The following PHTF2 variants were observed in gnomAD, a reference collection of about 807,000 sequenced individuals.
PHTF2 encodes the protein putative homeodomain transcription factor 2.
A neutral mutation model predicts 101.2 loss-of-function variants in PHTF2; 60 were observed. The ratio of observed to expected loss-of-function variants is 0.59; its 90% CI spans 0.48 to 0.73. The LOEUF is 0.73. Ranked by LOEUF, PHTF2 falls within the 30% of genes least tolerant of loss-of-function variation. The pLI is 0.00. For missense variants in PHTF2, 747 were observed against 908.7 expected, an observed-to-expected ratio of 0.82 and a Z score of 2.29; for synonymous variants, 311 against 307.3, an observed-to-expected ratio of 1.01 and a Z score of -0.13.
chr7:77,922,699 G>A (rs1455199409), exon 11 of PHTF2: 6 of 1,609,772 alleles, frequency 3.7e-6, no homozygotes, highest in South Asian at 1.1e-5. Context: ...TACTCATTAC[G>A]TCGTCATGTG....
chr7:77,957,253 CAT>C (rs1211384125), exon 20 of PHTF2: 3 of 150,738 alleles, frequency 2.0e-5, no homozygotes, highest in South Asian at 2.1e-4. Context: ...ATTTTCAGGT[CAT>C]ATACATTTCT....
chr7:77,919,690 CT>C, intron 9 of PHTF2, among the ~76,000 whole-genome samples: 1 of 152,200 alleles, frequency 6.6e-6, no homozygotes, highest in East Asian at 1.9e-4. Context: ...TTGCTAATAT[CT>C]TTTCCAGAGA....
At chr7:77,847,442 A>G (rs1796392868) in intron 2 of PHTF2, among the ~76,000 whole-genome samples, 1 of 152,194 alleles carries the variant, frequency 6.6e-6, no homozygotes, top group Admixed American at 6.5e-5. Context: ...AGCTTATGAT[A>G]TTGAACATGT....
At chr7:77,798,865 G>A (rs949196648) in exon 1 of PHTF2, 1 of 152,552 alleles carries the variant, frequency 6.6e-6, no homozygotes, top group Non-Finnish European at 1.5e-5. Flanking sequence ...GCGCGCCCGC[G>A]GGCAGCCTCG....
intron 1 of PHTF2, among the ~76,000 whole-genome samples, chr7:77,836,736 C>T (rs777965582): frequency 1.3e-5 from 2 of 151,492 alleles, no homozygotes; most frequent in Non-Finnish European, 2.9e-5. Flanking sequence ...CCAAATGCTG[C>T]ATGTTCTCAC....
intron 1 of PHTF2, among the ~76,000 whole-genome samples, chr7:77,806,839 T>TCATCTACTA (rs372933065): frequency 6.6e-6 from 1 of 152,172 alleles, no homozygotes; most frequent in African/African-American, 2.4e-5. Flanking sequence ...CTAGTATACA[T>TCATCTACTA]CATCACAGTC....
At chr7:77,837,502 G>C (rs1795561783) in intron 1 of PHTF2, among the ~76,000 whole-genome samples, 1 of 152,194 alleles carries the variant, frequency 6.6e-6, no homozygotes, top group Non-Finnish European at 1.5e-5. Context: ...GAGCCATTCA[G>C]TGTGACTGAA....
intron 1 of PHTF2, among the ~76,000 whole-genome samples, chr7:77,807,476 T>C (rs765181852): frequency 2.6e-5 from 4 of 152,214 alleles, no homozygotes; most frequent in Non-Finnish European, 5.9e-5. Flanking sequence ...TTTTGTGTGC[T>C]AGTTGGCCAT....
intron 9 of PHTF2, among the ~76,000 whole-genome samples, chr7:77,912,681 C>T (rs1486901436): frequency 7.3e-6 from 1 of 137,864 alleles, no homozygotes; most frequent in East Asian, 2.2e-4. Context: ...ATATTTTTAA[C>T]CTATCTCACT....
chr7:77,847,889 C>T (rs890893400), intron 2 of PHTF2, among the ~76,000 whole-genome samples: 1 of 152,174 alleles, frequency 6.6e-6, no homozygotes, highest in Non-Finnish European at 1.5e-5. Flanking sequence ...GTAATGATCA[C>T]TCTACTCTAC....
intron 1 of PHTF2, among the ~76,000 whole-genome samples, chr7:77,802,231 A>C (rs1792616840): frequency 6.6e-6 from 1 of 152,184 alleles, no homozygotes; most frequent in Non-Finnish European, 1.5e-5. Flanking sequence ...TTTAAATGAT[A>C]ATGGTATGTA....
Position 77,869,816 on chromosome 7 carries a change from T to G in PHTF2, c.147+14982T>G, listed in dbSNP as rs188426712. Reference sequence around the variant, plus strand: ...TTTGTATTTCCCCGATGATTAGTGATGTTGAGTTTTTTTGTTGTTGCTGTT... The same window carrying G: ...TTTGTATTTCCCCGATGATTAGTGAGGTTGAGTTTTTTTGTTGTTGCTGTT... On this transcript the variant is annotated intron_variant, in intron 3 of 19. Coordinates refer to ENST00000416283, the Ensembl canonical transcript of PHTF2. Among the ~76,000 whole-genome samples the G allele has an allele frequency of 4.5e-3, 687 of 152,344 alleles. 5 individuals are homozygous for G. Among genetic ancestry groups the G allele is most frequent in the African/African-American group, 0.016 (653 of 41,586 alleles).
At chr7:77,886,176 T>C (rs1422850464) in intron 3 of PHTF2, among the ~76,000 whole-genome samples, 1 of 152,218 alleles carries the variant, frequency 6.6e-6, no homozygotes, top group African/African-American at 2.4e-5. Context: ...CTTTGGCCTC[T>C]TGATACCTGA....
At chr7:77,871,894 A>G (rs1486072697) in intron 3 of PHTF2, among the ~76,000 whole-genome samples, 1 of 152,208 alleles carries the variant, frequency 6.6e-6, no homozygotes, top group Admixed American at 6.5e-5. Context: ...CCATGAGTCC[A>G]TGATGGTAGT....
intron 5 of PHTF2, among the ~76,000 whole-genome samples, chr7:77,898,408 T>A (rs1208421550): frequency 6.6e-6 from 1 of 152,248 alleles, no homozygotes; most frequent in East Asian, 1.9e-4. Context: ...AGGTAAAATC[T>A]TACTGTAATA....
intron 3 of PHTF2, among the ~76,000 whole-genome samples, chr7:77,865,328 C>G (rs945747333): frequency 2.0e-5 from 3 of 151,854 alleles, no homozygotes; most frequent in Non-Finnish European, 4.4e-5. Flanking sequence ...CGGGTTCAAG[C>G]GATTCTCCTG....
intron 1 of PHTF2, among the ~76,000 whole-genome samples, chr7:77,831,950 A>G (rs1254119979): frequency 6.6e-6 from 1 of 152,146 alleles, no homozygotes; most frequent in Non-Finnish European, 1.5e-5. Flanking sequence ...GAGCACACAC[A>G]GCTTCTCTTA....
chr7:77,851,785 C>T (rs1215030444), intron 2 of PHTF2, among the ~76,000 whole-genome samples: 4 of 151,822 alleles, frequency 2.6e-5, no homozygotes, highest in African/African-American at 4.8e-5. Context: ...TAGTTATTTA[C>T]GATGCACTGT....
At chr7:77,910,073 C>A (rs1309441302) in intron 8 of PHTF2, 172 bp from the exon 8 acceptor site, 8 of 538,260 alleles carry the variant, frequency 1.5e-5, no homozygotes, top group Non-Finnish European at 2.3e-5. Flanking sequence ...AGAAATTGGT[C>A]TTGAATATGC....
Sources: gnomAD v4.1 joint callset for allele counts (sites outside exome capture counted in the v4.1 genomes callset) on GRCh38, gnomAD v4.1.1 for gene constraint, MANE v1.5 for transcripts, NCBI Gene and HGNC (gene_info 2026-07-23, HGNC 2026-07-21) for gene names.